The following WDR20 variants were observed in gnomAD, a reference collection of about 807,000 sequenced individuals.
WDR20 encodes WD repeat domain 20.
WDR20 carries 3 observed loss-of-function variants against 38.7 expected under a neutral mutation model. That is an observed-to-expected ratio of 0.08 (90% confidence interval 0.04 to 0.20). The LOEUF is 0.20. WDR20 is among the 10% of genes least tolerant of loss of function. The pLI is 1.00. For missense variants in WDR20, 559 were observed against 727.7 expected (o/e 0.77, Z 2.67); for synonymous variants, 298 against 285.6 (o/e 1.04, Z -0.44).
chr14:102,163,391 G>A (rs918862640), intron 1 of WDR20, among the ~76,000 whole-genome samples: 1 of 152,046 alleles, frequency 6.6e-6, no homozygotes, highest in African/African-American at 2.4e-5. Flanking sequence ...ACTTTGTGAG[G>A]CCGAGGCGGG....
intron 1 of WDR20, among the ~76,000 whole-genome samples, chr14:102,147,665 CATG>C (rs1387089561): frequency 1.3e-5 from 2 of 149,318 alleles, no homozygotes; most frequent in Non-Finnish European, 2.9e-5. Flanking sequence ...AGCATCAAAA[CATG>C]GTGGATTTTG....
At chr14:102,154,304 A>G (rs1261567156) in intron 1 of WDR20, among the ~76,000 whole-genome samples, 1 of 152,192 alleles carries the variant, frequency 6.6e-6, no homozygotes, top group Non-Finnish European at 1.5e-5. Context: ...GGAAGTCAAG[A>G]TGAAGGTGTT....
At chr14:102,218,348 C>T (rs534243132), downstream of WDR20, among the ~76,000 whole-genome samples, 386 of 152,274 alleles carry the variant, frequency 2.5e-3, 2 homozygotes, top group African/African-American at 8.3e-3. Flanking sequence ...GGCCAGGGGT[C>T]GTGGGGGTCA....
chr14:102,222,779 T>C lies in WDR20; in HGVS notation c.1693-51T>C, dbSNP rs1567111439. The stretch of plus-strand genomic sequence containing the variant: ...GCTGGCGGAGGGCGCGCATGGTGGC[T>C]GTTGCCCGTCCGGTGTTTTGCTGGA... On this transcript the variant is annotated intron_variant, in intron 3 of 3. Coordinates refer to the WDR20 transcript ENST00000335263. The surrounding 1 kb of genome is among the most constrained non-coding windows in gnomAD (Gnocchi z 4.4). The C allele has an allele frequency of 6.2e-7, 1 of 1,609,704 alleles. No homozygotes were observed. The highest frequency in any genetic ancestry group is 8.5e-7 in the Non-Finnish European group (1 of 1,176,330).
At chr14:102,217,342 C>T (rs186574039), downstream of WDR20, among the ~76,000 whole-genome samples, 5 of 152,334 alleles carry the variant, frequency 3.3e-5, no homozygotes, top group East Asian at 9.6e-4. Flanking sequence ...ACCTTCAGAT[C>T]GCAGCGGAGC....
chr14:102,194,999 A>T lies in WDR20; in HGVS notation c.311A>T (p.His104Leu). The change falls in exon 2 of 3, where the codon CAT becomes CTT. Residue 104 changes from histidine to leucine, a missense_variant. His to Leu is a moderately conservative substitution (Grantham distance 99). Coordinates refer to ENST00000342702, the MANE Select transcript of WDR20 (RefSeq NM_144574.4). ...RIYKGTQPTC[H>L]DFNHLTATAE... ...TACAAAGGAACACAGCCTACTTGTC[A>T]TGACTTCAACCACCTAACAGCCACA... 1 of 1,614,224 alleles carries T rather than the reference A, an allele frequency of 6.2e-7. No individual in the cohort carries two copies. The highest frequency in any genetic ancestry group is 8.5e-7 in the Non-Finnish European group (1 of 1,180,034).
chr14:102,202,117 G>A (rs980834177), intron 2 of WDR20, among the ~76,000 whole-genome samples: 2 of 151,868 alleles, frequency 1.3e-5, no homozygotes, highest in East Asian at 1.9e-4. Flanking sequence ...CCTCCCCTAC[G>A]GTGTCCCTTT....
At chr14:102,188,484 A>G (rs2152918622) in intron 1 of WDR20, among the ~76,000 whole-genome samples, 1 of 152,308 alleles carries the variant, frequency 6.6e-6, no homozygotes, top group South Asian at 2.1e-4. Context: ...CCTTTGTGGT[A>G]CTGGAAAGAA....
At chr14:102,166,479 C>A (rs1053478337) in intron 1 of WDR20, among the ~76,000 whole-genome samples, 2 of 152,140 alleles carry the variant, frequency 1.3e-5, no homozygotes, top group African/African-American at 4.8e-5. Flanking sequence ...TAATACTGTT[C>A]ACATGTCCAT....
intron 1 of WDR20, among the ~76,000 whole-genome samples, chr14:102,171,023 G>GC (rs1566900047): frequency 6.6e-6 from 1 of 151,814 alleles, no homozygotes; most frequent in Admixed American, 6.6e-5. Context: ...GTGCAGTGGC[G>GC]CGATCTCAGC....
upstream of WDR20, chr14:102,139,703 G>C (rs1402954786): frequency 2.8e-6 from 2 of 702,672 alleles, no homozygotes; most frequent in Non-Finnish European, 4.6e-6. Flanking sequence ...GGAGCCTGCG[G>C]ACGCCCAGTC....
chr14:102,179,891 G>A (rs1393224879), intron 1 of WDR20, among the ~76,000 whole-genome samples: 20 of 152,144 alleles, frequency 1.3e-4, no homozygotes, highest in Non-Finnish European at 1.6e-4. Context: ...GGTGGCTCAC[G>A]CCTGTAATCC....
At chr14:102,151,240 C>G (rs2055726444) in intron 1 of WDR20, among the ~76,000 whole-genome samples, 1 of 133,894 alleles carries the variant, frequency 7.5e-6, no homozygotes, top group African/African-American at 3.0e-5. Flanking sequence ...TAATGAAGGG[C>G]TACAGTAGAG....
chr14:102,172,466 A>G lies in WDR20; in HGVS notation c.250-22472A>G, dbSNP rs1308871787. On this transcript the variant is annotated intron_variant, in intron 1 of 2. Coordinates refer to ENST00000342702, the MANE Select transcript of WDR20 (RefSeq NM_144574.4). ...TGGTGGCCGGGCAGAGGGGCTCCTCACTTCCCAGTAGGGGCGGCCGGGCAG... is the reference window on the plus strand; with the variant it reads ...TGGTGGCCGGGCAGAGGGGCTCCTCGCTTCCCAGTAGGGGCGGCCGGGCAG... Among the ~76,000 whole-genome samples the G allele has an allele frequency of 3.9e-4, 58 of 150,600 alleles. No homozygotes were observed. The East Asian group carries it at 0.011, about 29-fold the overall frequency.
At chr14:102,215,854 A>G (rs1597113108), downstream of WDR20, among the ~76,000 whole-genome samples, 1 of 152,320 alleles carries the variant, frequency 6.6e-6, no homozygotes, top group East Asian at 1.9e-4. Context: ...ATGAAATACC[A>G]TCCCTCACTC....
At chr14:102,200,260 C>T (rs954479935) in intron 2 of WDR20, among the ~76,000 whole-genome samples, 2 of 152,156 alleles carry the variant, frequency 1.3e-5, no homozygotes. Context: ...CTGTTTGTAG[C>T]GTTCTGTACA....
chr14:102,177,650 T>C (rs1480144213), intron 1 of WDR20, among the ~76,000 whole-genome samples: 1 of 152,316 alleles, frequency 6.6e-6, no homozygotes, highest in East Asian at 1.9e-4. Context: ...GTAACTTTAT[T>C]AGAAAAGCTT....
intron 1 of WDR20, among the ~76,000 whole-genome samples, chr14:102,160,632 T>A (rs1403248120): frequency 6.6e-6 from 1 of 152,078 alleles, no homozygotes; most frequent in African/African-American, 2.4e-5. Context: ...CTTGATTGAT[T>A]GATGATCCCT....
At chr14:102,212,455 C>G (rs985406592), downstream of WDR20, 10 of 1,518,734 alleles carry the variant, frequency 6.6e-6, no homozygotes, top group African/African-American at 1.2e-4. Context: ...CTGGCCCAGG[C>G]CCTGCAGGGC....
Sources: allele counts gnomAD v4.1 joint callset (sites outside exome capture counted in the v4.1 genomes callset), GRCh38; gene constraint gnomAD v4.1.1; non-coding constraint Gnocchi (gnomAD v3.1); transcripts MANE v1.5; gene names NCBI Gene and HGNC (gene_info 2026-07-23, HGNC 2026-07-21).